TSHZ2: variants seen among roughly 807,000 people sequenced by gnomAD.
TSHZ2 encodes teashirt homolog 2.
In TSHZ2, 21 loss-of-function variants were observed where a neutral mutation model predicts 74.4. The ratio of observed to expected loss-of-function variants is 0.28; its 90% CI spans 0.20 to 0.41. The LOEUF is 0.41. Ranked by LOEUF, TSHZ2 falls within the 10% of genes least tolerant of loss-of-function variation. TSHZ2 has a pLI of 1.00. For missense variants in TSHZ2, 1,244 were observed against 1,293.5 expected (o/e 0.96, Z 0.59); for synonymous variants, 540 against 515.3 (o/e 1.05, Z -0.65).
intron 2 of TSHZ2, among the ~76,000 whole-genome samples, chr20:53,471,467 C>T (rs573692671): frequency 1.3e-4 from 20 of 152,246 alleles, no homozygotes; most frequent in South Asian, 4.1e-4. Flanking sequence ...TGTGCTTATA[C>T]GCTGCAATAA....
At chr20:53,421,807 C>G (rs1023967815) in intron 2 of TSHZ2, among the ~76,000 whole-genome samples, 6 of 150,738 alleles carry the variant, frequency 4.0e-5, no homozygotes, top group African/African-American at 1.2e-4. Flanking sequence ...CTCAGCCTCC[C>G]GAGTAGCTGG....
chr20:53,184,409 G>A (rs1184954171), intron 1 of TSHZ2, among the ~76,000 whole-genome samples: 1 of 151,872 alleles, frequency 6.6e-6, no homozygotes, highest in Non-Finnish European at 1.5e-5. Context: ...GTGTTTTGGA[G>A]GTCAATATTG....
At chr20:53,456,013 A>G (rs944475361) in intron 2 of TSHZ2, among the ~76,000 whole-genome samples, 23 of 152,230 alleles carry the variant, frequency 1.5e-4, no homozygotes, top group African/African-American at 5.3e-4. Context: ...TAATGCCACA[A>G]TAAACATATG....
intron 1 of TSHZ2, among the ~76,000 whole-genome samples, chr20:53,190,106 TA>T (rs1988695533): frequency 4.5e-5 from 3 of 65,968 alleles, no homozygotes; most frequent in African/African-American, 2.2e-4. Flanking sequence ...TATATATATA[TA>T]TATATATATA....
At chr20:53,129,557 G>C (rs2123378242) in intron 1 of TSHZ2, among the ~76,000 whole-genome samples, 1 of 152,266 alleles carries the variant, frequency 6.6e-6, no homozygotes, top group Middle Eastern at 3.4e-3. Context: ...GATAGATACT[G>C]TTGGATAATA....
At chr20:53,441,829 G>A (rs1011661012) in intron 2 of TSHZ2, among the ~76,000 whole-genome samples, 18 of 151,194 alleles carry the variant, frequency 1.2e-4, no homozygotes, top group South Asian at 2.1e-4. Flanking sequence ...TGATCCACCC[G>A]CCTCAGCCTC....
intron 2 of TSHZ2, among the ~76,000 whole-genome samples, chr20:53,302,167 G>A (rs997347332): frequency 1.3e-5 from 2 of 152,254 alleles, no homozygotes; most frequent in East Asian, 1.9e-4. Flanking sequence ...AGTGAGGAGC[G>A]ATGATGCCAG....
intron 1 of TSHZ2, among the ~76,000 whole-genome samples, chr20:53,201,917 C>T (rs1989018030): frequency 6.6e-6 from 1 of 152,130 alleles, no homozygotes; most frequent in Non-Finnish European, 1.5e-5. Context: ...GCTGGGGTAG[C>T]GAAGTAATGG....
chr20:53,406,229 T>C (rs1331298787), intron 2 of TSHZ2, among the ~76,000 whole-genome samples: 1 of 151,904 alleles, frequency 6.6e-6, no homozygotes, highest in Non-Finnish European at 1.5e-5. Context: ...TGTGTCTAGA[T>C]CAAAGGGAGC....
intron 2 of TSHZ2, among the ~76,000 whole-genome samples, chr20:53,452,340 C>G (rs865796630): frequency 3.2e-4 from 48 of 152,324 alleles, no homozygotes; most frequent in African/African-American, 1.2e-3. Flanking sequence ...TGGCTCACGC[C>G]TGTAGTCCCA....
intron 1 of TSHZ2, among the ~76,000 whole-genome samples, chr20:53,137,412 G>A (rs993054756): frequency 2.0e-5 from 3 of 149,730 alleles, no homozygotes; most frequent in Non-Finnish European, 3.0e-5. Flanking sequence ...ATAACTGTTC[G>A]TTAGGCATTG....
intron 2 of TSHZ2, among the ~76,000 whole-genome samples, chr20:53,355,195 A>G (rs1341395445): frequency 6.6e-6 from 1 of 152,258 alleles, no homozygotes; most frequent in Non-Finnish European, 1.5e-5. Flanking sequence ...AAAAGAAAAA[A>G]TAACTACAAA....
chr20:53,411,197 T>C (rs1983043384), intron 2 of TSHZ2, among the ~76,000 whole-genome samples: 1 of 152,104 alleles, frequency 6.6e-6, no homozygotes, highest in African/African-American at 2.4e-5. Flanking sequence ...GACCTGAAGT[T>C]TTTCTACAGC....
intron 1 of TSHZ2, among the ~76,000 whole-genome samples, chr20:53,175,706 A>T (rs1889087500): frequency 6.6e-6 from 1 of 152,218 alleles, no homozygotes. Context: ...ACAGTGAATC[A>T]GGAATTAGTG....
chr20:53,164,807 G>T (rs1233469285), intron 1 of TSHZ2, among the ~76,000 whole-genome samples: 1 of 152,130 alleles, frequency 6.6e-6, no homozygotes, highest in Non-Finnish European at 1.5e-5. Context: ...CTTTAAATAG[G>T]ATGTCCCATG....
chr20:53,134,108 T>C (rs1987181985), intron 1 of TSHZ2, among the ~76,000 whole-genome samples: 2 of 152,182 alleles, frequency 1.3e-5, no homozygotes, highest in South Asian at 4.1e-4. Flanking sequence ...GGCACTCTAC[T>C]TGCCCCATGA....
At chr20:53,435,363 T>C (rs1175817231) in intron 2 of TSHZ2, among the ~76,000 whole-genome samples, 1 of 152,212 alleles carries the variant, frequency 6.6e-6, no homozygotes, top group East Asian at 1.9e-4. Flanking sequence ...GGAGCACTGC[T>C]AAGATGACTG....
Position 53,489,228 on chromosome 20 carries a change from T to C in TSHZ2, c.*2093T>C. 2.2e-6 allele frequency: 1 copy of C among 455,280 alleles called. No homozygotes were observed. The highest frequency in any genetic ancestry group is 1.6e-5 in the South Asian group (1 of 64,516). The allele number at this position is 455,280 out of a possible 1,614,324, so 28.2% of individuals were successfully genotyped here. ...AAAGCAAGGTGCTGATATTATTTTT[T>C]ATGATGGGAGGATCATAAAGTGAAT... On this transcript the variant is annotated 3_prime_UTR_variant, in exon 3 of 3. Coordinates refer to ENST00000371497, the MANE Select transcript of TSHZ2 (RefSeq NM_173485.6).
intron 2 of TSHZ2, among the ~76,000 whole-genome samples, chr20:53,325,270 A>T (rs150526708): frequency 6.6e-6 from 1 of 152,238 alleles, no homozygotes; most frequent in African/African-American, 2.4e-5. Flanking sequence ...ACCTCCTTAC[A>T]TCTCTGAGGG....
Sources: gnomAD v4.1 joint callset for allele counts (sites outside exome capture counted in the v4.1 genomes callset) on GRCh38, gnomAD v4.1.1 for gene constraint, MANE v1.5 for transcripts, NCBI Gene and HGNC (gene_info 2026-07-23, HGNC 2026-07-21) for gene names.